MTMR10: variants seen among roughly 807,000 people sequenced by gnomAD.
The protein encoded by MTMR10 is myotubularin-related protein 10.
A neutral mutation model predicts 88.1 loss-of-function variants in MTMR10; 56 were observed. That is an observed-to-expected ratio of 0.64 (90% CI 0.51 to 0.79). The LOEUF (loss-of-function observed/expected upper bound fraction) is 0.79. Ranked by LOEUF, MTMR10 falls within the 30% of genes least tolerant of loss-of-function variation. The pLI is 0.00. For missense variants in MTMR10, 883 were observed against 924.7 expected (o/e 0.95, Z 0.58); for synonymous variants, 380 against 340.9 (o/e 1.11, Z -1.26).
At position 30,942,244 on chromosome 15, in the gene MTMR10, C is replaced by G. The variant is rs2063079056; in HGVS notation, c.1732-172G>C. 3.6e-6 allele frequency: 3 copies of G among 838,308 alleles called. No homozygotes were observed. In the South Asian group the frequency reaches 5.3e-5, roughly 15 times the overall value. 51.9% of individuals were successfully genotyped at this position (838,308 alleles called of 1,614,324 possible). ...TTCTAATCCTCCTCCCCTGGAATTA[C>G]ACTTTTTTATGTGTTGACTCTACCT... is the stretch of plus-strand genomic sequence containing the variant. On this transcript the variant is annotated intron_variant, in intron 15 of 15. Transcript: ENST00000435680.
Position 30,954,883 on chromosome 15 carries a change from C to T in MTMR10, c.946G>A (p.Ala316Thr). Residue 316 changes from alanine (A) to threonine (T), a missense_variant, in exon 10 of 16, where the codon GCA (alanine) becomes ACA (threonine). Around this residue, in one of 3 missense-constraint regions of MTMR10, gnomAD observed 414 missense variants for 423.2 expected, o/e 0.98. Coordinates refer to ENST00000435680, the MANE Select transcript of MTMR10 (RefSeq NM_017762.3). The stretch of plus-strand genomic sequence containing the variant: ...CTCTGTGGGTGACTTTTAGTTATTG[C>T]ATTACAAATCCTAATAAAGACAAAA... ...QRKIDQRICNAITKSHPQRSD... is the reference protein window; with the variant it reads ...QRKIDQRICNTITKSHPQRSD... 6.5e-7 allele frequency: 1 copy of T among 1,548,078 alleles called. No homozygotes were observed. The highest frequency in any genetic ancestry group is 8.7e-7 in the Non-Finnish European group (1 of 1,145,978).
intron 2 of MTMR10, among the ~76,000 whole-genome samples, chr15:30,977,275 T>C (rs532659288): frequency 1.3e-5 from 2 of 152,114 alleles, no homozygotes; most frequent in African/African-American, 2.4e-5. Context: ...GGAGAAGAAA[T>C]AAACTACACC....
chr15:30,982,747 T>C (rs1014116072), intron 2 of MTMR10, among the ~76,000 whole-genome samples: 3 of 152,236 alleles, frequency 2.0e-5, no homozygotes, highest in Non-Finnish European at 2.9e-5. Flanking sequence ...ATTTTGTTCA[T>C]GCAGAACCAG....
intron 9 of MTMR10, among the ~76,000 whole-genome samples, chr15:30,958,463 TGTG>T (rs1158623189): frequency 6.6e-6 from 1 of 152,262 alleles, no homozygotes; most frequent in Non-Finnish European, 1.5e-5. Context: ...CAGACTCGTC[TGTG>T]GTGGCTAATT....
At chr15:30,963,242 G>A (rs969376069) in intron 6 of MTMR10, among the ~76,000 whole-genome samples, 6 of 152,184 alleles carry the variant, frequency 3.9e-5, no homozygotes, top group African/African-American at 1.4e-4. Context: ...GGACGGTGCT[G>A]CTCTAGATTA....
At chr15:30,990,117 T>C (rs181675833) in intron 2 of MTMR10, among the ~76,000 whole-genome samples, 2 of 152,254 alleles carry the variant, frequency 1.3e-5, no homozygotes, top group African/African-American at 2.4e-5. Context: ...TGTGAGATTT[T>C]TGTCCCCCAG....
chr15:30,968,652 A>G (rs1354015828), intron 5 of MTMR10, among the ~76,000 whole-genome samples: 1 of 152,038 alleles, frequency 6.6e-6, no homozygotes, highest in Non-Finnish European at 1.5e-5. Flanking sequence ...AATCAAACAG[A>G]TCAGGGGGCT....
intron 13 of MTMR10, among the ~76,000 whole-genome samples, chr15:30,947,807 G>A (rs773714885): frequency 1.3e-5 from 2 of 152,054 alleles, no homozygotes; most frequent in Non-Finnish European, 2.9e-5. Flanking sequence ...GTCAAATGGC[G>A]CTCTCTGAAA....
Position 30,956,041 on chromosome 15 carries a change from T to C in MTMR10, c.936-1148A>G, listed in dbSNP as rs142258395. On this transcript the variant is annotated intron_variant, in intron 9 of 15. Transcript: ENST00000435680. The stretch of plus-strand genomic sequence containing the variant: ...GAATAGAAAAAGTAATATAAATTAG[T>C]GTGGAATGTTTAAAAACACCTAGAA... Among the ~76,000 whole-genome samples, 347 of 151,258 alleles carry C rather than the reference T, an allele frequency of 2.3e-3. 1 individual carries two copies. The highest frequency in any genetic ancestry group is 7.7e-3 in the African/African-American group (319 of 41,306).
chr15:30,980,306 G>A (rs1226142069), intron 2 of MTMR10, among the ~76,000 whole-genome samples: 1 of 152,190 alleles, frequency 6.6e-6, no homozygotes, highest in Non-Finnish European at 1.5e-5. Context: ...TCACCAATGA[G>A]CTACAGCACT....
chr15:30,928,017 C>G, the MTMR10 span: 12 of 986,854 alleles, frequency 1.2e-5, no homozygotes, highest in Non-Finnish European at 1.1e-5. Flanking sequence ...AAGCACTGGG[C>G]TAGGGCAGTG....
chr15:30,958,815 CACA>C, intron 9 of MTMR10, 45 bp downstream of exon 9: 3 of 1,575,210 alleles, frequency 1.9e-6, no homozygotes, highest in Non-Finnish European at 1.7e-6. Flanking sequence ...ACTGTAGTTA[CACA>C]ACAAGTAAAA....
intron 5 of MTMR10, among the ~76,000 whole-genome samples, chr15:30,969,532 C>T (rs1280955529): frequency 6.6e-6 from 1 of 152,120 alleles, no homozygotes; most frequent in Non-Finnish European, 1.5e-5. Context: ...CATAGTTGTC[C>T]ATTTTGCTAC....
chr15:30,920,319 GTTTAGAA>G, the MTMR10 span, among the ~76,000 whole-genome samples: 1 of 152,346 alleles, frequency 6.6e-6, no homozygotes, highest in South Asian at 2.1e-4. Flanking sequence ...GCTGACCTTG[GTTTAGAA>G]TGATGAGTTC....
intron 2 of MTMR10, among the ~76,000 whole-genome samples, chr15:30,989,214 G>A (rs1180885869): frequency 4.6e-5 from 7 of 151,994 alleles, no homozygotes; most frequent in Non-Finnish European, 1.0e-4. Flanking sequence ...CATTTTAAAT[G>A]CTCAGAGTGA....
At chr15:30,930,472 G>A in the MTMR10 span, 13 of 1,518,794 alleles carry the variant, frequency 8.6e-6, no homozygotes, top group East Asian at 9.2e-5. Flanking sequence ...TCTCCGTCTC[G>A]TGATCCCTGG....
chr15:30,930,398 C>G, the MTMR10 span: 1 of 896,586 alleles, frequency 1.1e-6, no homozygotes, highest in Non-Finnish European at 1.6e-6. Context: ...CTGGTACAAG[C>G]AGCAGAACAG....
intron 1 of MTMR10, among the ~76,000 whole-genome samples, chr15:30,991,070 G>A (rs894810883): frequency 6.6e-6 from 1 of 152,264 alleles, no homozygotes; most frequent in African/African-American, 2.4e-5. Context: ...TCACATTTAT[G>A]ACAGACGGGT....
chr15:30,972,685 T>A (rs1025014725), intron 5 of MTMR10, among the ~76,000 whole-genome samples: 1 of 152,162 alleles, frequency 6.6e-6, no homozygotes, highest in Non-Finnish European at 1.5e-5. Flanking sequence ...TGTTCATGCT[T>A]TATCTTCTTC....
Sources: gnomAD v4.1 joint callset for allele counts (sites outside exome capture counted in the v4.1 genomes callset) on GRCh38, gnomAD v4.1.1 for gene constraint, gnomAD v4.1.1 regional missense constraint, MANE v1.5 for transcripts, NCBI Gene and HGNC (gene_info 2026-07-23, HGNC 2026-07-21) for gene names.